EPM2A: variants seen among roughly 807,000 people sequenced by gnomAD.
EPM2A encodes the protein EPM2A glucan phosphatase, laforin.
In EPM2A, 21 loss-of-function variants were observed where a neutral mutation model predicts 26.5. The observed-to-expected ratio is 0.79, with a 90% confidence interval of 0.56 to 1.14. EPM2A has a LOEUF of 1.14. Among genes scored for constraint, EPM2A ranks in the 50% most tolerant of loss-of-function variants. The pLI, the probability that EPM2A is intolerant of heterozygous loss-of-function variation, is 0.00. For synonymous variants in EPM2A, 217 were observed against 177.6 expected, an observed-to-expected ratio of 1.22 and a Z score of -1.76; for missense variants, 458 against 440.8, an observed-to-expected ratio of 1.04 and a Z score of -0.35.
intron 2 of EPM2A, among the ~76,000 whole-genome samples, chr6:145,570,795 A>C (rs549267574): frequency 2.8e-4 from 43 of 152,298 alleles, no homozygotes; most frequent in Non-Finnish European, 2.9e-4. Flanking sequence ...GCATGGTAAT[A>C]CTAAGAGATG....
chr6:145,657,163 C>T (rs998085645), intron 2 of EPM2A, among the ~76,000 whole-genome samples: 1 of 149,616 alleles, frequency 6.7e-6, no homozygotes, highest in Non-Finnish European at 1.5e-5. Context: ...GACCTCGGCT[C>T]ACTGCAACCT....
intron 4 of EPM2A, among the ~76,000 whole-genome samples, chr6:145,402,681 G>A (rs1970308): frequency 0.38 from 57,067 of 151,974 alleles, 10,975 homozygotes; most frequent in South Asian, 0.46. Flanking sequence ...ATAATTTGGT[G>A]TAGACAGAGA....
intron 4 of EPM2A, among the ~76,000 whole-genome samples, chr6:145,390,446 G>A (rs1186370508): frequency 6.6e-6 from 1 of 151,980 alleles, no homozygotes; most frequent in African/African-American, 2.4e-5. Flanking sequence ...CAATTCCTAG[G>A]CTGTTTATTT....
chr6:145,628,133 A>C (rs1278783939), intron 3 of EPM2A: 1 of 219,160 alleles, frequency 4.6e-6, no homozygotes, highest in African/African-American at 2.3e-5. Context: ...GCTAAATGTA[A>C]AACACAGAAG....
intron 4 of EPM2A, among the ~76,000 whole-genome samples, chr6:145,417,008 C>A (rs1778717586): frequency 6.6e-6 from 1 of 152,074 alleles, no homozygotes; most frequent in Admixed American, 6.6e-5. Context: ...GGAATTGAAT[C>A]TCTTCCCCTA....
intron 4 of EPM2A, among the ~76,000 whole-genome samples, chr6:145,402,068 A>C (rs1778497430): frequency 6.6e-6 from 1 of 152,124 alleles, no homozygotes; most frequent in Non-Finnish European, 1.5e-5. Context: ...GTGGGGAATA[A>C]CGGCATATTT....
At chr6:145,422,692 G>A (rs895573108) in intron 4 of EPM2A, among the ~76,000 whole-genome samples, 1 of 151,994 alleles carries the variant, frequency 6.6e-6, no homozygotes, top group African/African-American at 2.4e-5. Context: ...ATTTTTATAT[G>A]TGAAATTGAT....
chr6:145,483,180 A>G (rs1370491664), intron 4 of EPM2A, among the ~76,000 whole-genome samples: 1 of 151,982 alleles, frequency 6.6e-6, no homozygotes, highest in Non-Finnish European at 1.5e-5. Context: ...AATAGCCCTT[A>G]TTATTTAAAC....
chr6:145,416,698 G>C (rs878970154), intron 4 of EPM2A, among the ~76,000 whole-genome samples: 1 of 152,160 alleles, frequency 6.6e-6, no homozygotes, highest in Admixed American at 6.5e-5. Context: ...TATTTCCTGA[G>C]AGAAAACTGT....
chr6:145,669,696 C>T (rs888551561), intron 2 of EPM2A, among the ~76,000 whole-genome samples: 1 of 152,128 alleles, frequency 6.6e-6, no homozygotes, highest in Non-Finnish European at 1.5e-5. Flanking sequence ...CATAGAAAAC[C>T]CTGGAAAAAG....
intron 2 of EPM2A, among the ~76,000 whole-genome samples, chr6:145,554,099 T>C (rs1473360999): frequency 2.0e-5 from 3 of 151,918 alleles, no homozygotes; most frequent in African/African-American, 7.2e-5. Flanking sequence ...TGTTCAGCAA[T>C]GCTATGTGAC....
At chr6:145,725,560 A>G (rs948433453) in intron 1 of EPM2A, among the ~76,000 whole-genome samples, 4 of 152,150 alleles carry the variant, frequency 2.6e-5, no homozygotes, top group Admixed American at 6.5e-5. Context: ...AAAATGTGGA[A>G]CATACATATA....
chr6:145,664,166 A>G lies in EPM2A; in HGVS notation c.476+21956T>C, dbSNP rs1254412744. On this transcript the variant is annotated intron_variant, in intron 2 of 3. Coordinates refer to ENST00000367519, the MANE Select transcript of EPM2A (RefSeq NM_005670.4). ...CAGGATCAAATTCACACACAACAAT[A>G]TTAACTTTAAATGTAAATGGACTAA... Among the ~76,000 whole-genome samples, 19 of 86,028 alleles carry G rather than the reference A, an allele frequency of 2.2e-4. 7 individuals are homozygous for G. Among genetic ancestry groups the G allele is most frequent in the African/African-American group, 9.9e-4 (19 of 19,228 alleles). The allele number at this position is 86,028 out of a possible 152,430, so 56.4% of individuals were successfully genotyped here.
chr6:145,488,493 G>GATT (rs1779706360), intron 4 of EPM2A, among the ~76,000 whole-genome samples: 1 of 131,044 alleles, frequency 7.6e-6, no homozygotes, highest in Non-Finnish European at 1.6e-5. Flanking sequence ...TAATTTGTGT[G>GATT]GTTGTGTGTG....
intron 2 of EPM2A, among the ~76,000 whole-genome samples, chr6:145,579,208 T>C (rs560753369): frequency 6.6e-6 from 1 of 152,280 alleles, no homozygotes; most frequent in South Asian, 2.1e-4. Flanking sequence ...ATTCTCTCTG[T>C]ACTCTTGGCT....
Position 145,437,958 on chromosome 6 carries a change from A to G in EPM2A, c.556-53861T>C, listed in dbSNP as rs549165274. 9.8e-5 allele frequency among the ~76,000 whole-genome samples: 15 copies of G among 152,346 alleles called. No individual in the cohort carries two copies. In the South Asian group the frequency reaches 2.9e-3, roughly 29 times the overall value. On this transcript the variant is annotated intron_variant, in intron 4 of 4. Transcript: ENST00000638717. Reference sequence around the variant, plus strand: ...CTAGAAATCAGAATGCAAATTATACATTCATTTTAGGATAAAACACAAAAC... The same window carrying G: ...CTAGAAATCAGAATGCAAATTATACGTTCATTTTAGGATAAAACACAAAAC...
intron 4 of EPM2A, among the ~76,000 whole-genome samples, chr6:145,426,938 C>A (rs983572000): frequency 1.3e-5 from 2 of 152,126 alleles, no homozygotes; most frequent in Admixed American, 6.5e-5. Context: ...AGAATTATTT[C>A]TCTTCTTTTT....
At chr6:145,608,621 G>T (rs1775320932) in intron 2 of EPM2A, among the ~76,000 whole-genome samples, 1 of 152,040 alleles carries the variant, frequency 6.6e-6, no homozygotes, top group South Asian at 2.1e-4. Context: ...ATCACAGTCA[G>T]TTCAACCCAT....
At chr6:145,612,320 A>T (rs923198097) in intron 2 of EPM2A, among the ~76,000 whole-genome samples, 4 of 152,192 alleles carry the variant, frequency 2.6e-5, no homozygotes, top group Non-Finnish European at 5.9e-5. Flanking sequence ...TAAATGGGTA[A>T]AATGGGTAGA....
Sources: gnomAD v4.1 joint callset for allele counts (sites outside exome capture counted in the v4.1 genomes callset) on GRCh38, gnomAD v4.1.1 for gene constraint, MANE v1.5 for transcripts, NCBI Gene and HGNC (gene_info 2026-07-23, HGNC 2026-07-21) for gene names.